Variants in ST6GALNAC3 observed in about 807,000 individuals in gnomAD.
ST6GALNAC3 encodes the protein ST6 N-acetylgalactosaminide alpha-2,6-sialyltransferase 3.
In ST6GALNAC3, 25 loss-of-function variants were observed where a neutral mutation model predicts 32.7. The observed-to-expected ratio is 0.76, with a 90% CI of 0.56 to 1.07. ST6GALNAC3 has a LOEUF of 1.07. ST6GALNAC3 is among the 50% of genes least tolerant of loss of function. ST6GALNAC3 has a pLI of 0.00. For synonymous variants in ST6GALNAC3, 129 were observed against 133.1 expected (o/e 0.97, Z 0.21); for missense variants, 355 against 382.4 (o/e 0.93, Z 0.60).
intron 2 of ST6GALNAC3, among the ~76,000 whole-genome samples, chr1:76,349,112 A>T (rs943302508): frequency 6.6e-6 from 1 of 152,176 alleles, no homozygotes; most frequent in African/African-American, 2.4e-5. Flanking sequence ...AGTTCTTCTG[A>T]TATTTACATA....
chr1:76,395,220 T>G (rs1008648482), intron 2 of ST6GALNAC3, among the ~76,000 whole-genome samples: 2 of 152,086 alleles, frequency 1.3e-5, no homozygotes, highest in East Asian at 3.9e-4. Context: ...GAATGGAGTC[T>G]TCTCATGCTA....
At chr1:76,112,574 TC>T (rs1461654740) in intron 1 of ST6GALNAC3, among the ~76,000 whole-genome samples, 4 of 150,980 alleles carry the variant, frequency 2.6e-5, no homozygotes, top group African/African-American at 9.8e-5. Context: ...GCTCCTCACT[TC>T]CCAGACGGTG....
chr1:76,354,403 C>T (rs1424010429), intron 2 of ST6GALNAC3, among the ~76,000 whole-genome samples: 3 of 152,174 alleles, frequency 2.0e-5, no homozygotes, highest in Non-Finnish European at 4.4e-5. Flanking sequence ...AGACCTGTTT[C>T]TTCATTCACA....
At chr1:76,394,415 T>C (rs1652786663) in intron 2 of ST6GALNAC3, among the ~76,000 whole-genome samples, 1 of 152,244 alleles carries the variant, frequency 6.6e-6, no homozygotes, top group Non-Finnish European at 1.5e-5. Flanking sequence ...GTCCTGGTAC[T>C]AATAGCTTGT....
At chr1:76,301,712 A>G (rs941454800) in intron 1 of ST6GALNAC3, among the ~76,000 whole-genome samples, 1 of 152,026 alleles carries the variant, frequency 6.6e-6, no homozygotes, top group Non-Finnish European at 1.5e-5. Context: ...ACTTTGACCT[A>G]TAAGAGGACA....
chr1:76,288,193 A>C (rs1038417822), intron 1 of ST6GALNAC3, among the ~76,000 whole-genome samples: 3 of 152,210 alleles, frequency 2.0e-5, no homozygotes, highest in African/African-American at 7.2e-5. Context: ...GAGAAAGGTG[A>C]AATCACTGTA....
chr1:76,305,748 G>A (rs187383219), intron 1 of ST6GALNAC3, among the ~76,000 whole-genome samples: 12 of 152,156 alleles, frequency 7.9e-5, no homozygotes, highest in Admixed American at 6.6e-4. Flanking sequence ...AATCATCATA[G>A]TCTTAACAGA....
At chr1:76,285,909 C>A (rs944549258) in intron 1 of ST6GALNAC3, among the ~76,000 whole-genome samples, 1 of 152,030 alleles carries the variant, frequency 6.6e-6, no homozygotes, top group Non-Finnish European at 1.5e-5. Flanking sequence ...CACACACCCC[C>A]GCGCCCCCTC....
chr1:76,093,319 T>G (rs1320243576), intron 1 of ST6GALNAC3, among the ~76,000 whole-genome samples: 1 of 152,238 alleles, frequency 6.6e-6, no homozygotes, highest in Admixed American at 6.5e-5. Flanking sequence ...CGTACAATTT[T>G]ATGGACTGTT....
chr1:76,573,518 G>A (rs12039983), intron 3 of ST6GALNAC3, among the ~76,000 whole-genome samples: 1 of 152,082 alleles, frequency 6.6e-6, no homozygotes, highest in African/African-American at 2.4e-5. Flanking sequence ...TCAGAACTTA[G>A]TGTGACTATG....
chr1:76,318,655 T>C (rs1360463345), intron 2 of ST6GALNAC3, among the ~76,000 whole-genome samples: 3 of 152,174 alleles, frequency 2.0e-5, no homozygotes, highest in Non-Finnish European at 4.4e-5. Flanking sequence ...TATAGCATTA[T>C]GGCAGAATTA....
At chr1:76,150,398 T>C (rs1246684560) in intron 1 of ST6GALNAC3, among the ~76,000 whole-genome samples, 1 of 152,262 alleles carries the variant, frequency 6.6e-6, no homozygotes, top group Non-Finnish European at 1.5e-5. Flanking sequence ...CACTGTTCTT[T>C]TGGAGATGTG....
intron 3 of ST6GALNAC3, among the ~76,000 whole-genome samples, chr1:76,473,991 G>A (rs11162158): frequency 0.36 from 54,577 of 152,020 alleles, 15,448 homozygotes; most frequent in African/African-American, 0.8. Context: ...AGAAAGGCCA[G>A]GTAGACAGAG....
intron 1 of ST6GALNAC3, among the ~76,000 whole-genome samples, chr1:76,226,042 T>C (rs1656048953): frequency 6.6e-6 from 1 of 152,214 alleles, no homozygotes; most frequent in Non-Finnish European, 1.5e-5. Flanking sequence ...ACTTTATTGG[T>C]GCAGATATAT....
rs17099201 is a variant in ST6GALNAC3, at chr1:76,587,744, C to T, written c.624-39708C>T. Among the ~76,000 whole-genome samples, 1,168 of 152,290 alleles carry T rather than the reference C, an allele frequency of 7.7e-3. 16 individuals carry two copies. Among genetic ancestry groups the T allele is most frequent in the African/African-American group, 0.024 (996 of 41,564 alleles). The stretch of plus-strand genomic sequence containing the variant: ...GAATTTAAAAGGAGAGCCTGTCCCT[C>T]AGGCAGTTCAAATCTGATCTAATGA... On this transcript the variant is annotated intron_variant, in intron 3 of 4. Coordinates refer to ENST00000328299, the MANE Select transcript of ST6GALNAC3 (RefSeq NM_152996.4).
chr1:76,114,917 C>CAAAAA (rs542571151), intron 1 of ST6GALNAC3, among the ~76,000 whole-genome samples: 4 of 79,002 alleles, frequency 5.1e-5, no homozygotes, highest in African/African-American at 9.2e-5. Flanking sequence ...GACCTTGTCT[C>CAAAAA]AAAAAAAAAA....
At chr1:76,266,433 C>G (rs1014549003) in intron 1 of ST6GALNAC3, among the ~76,000 whole-genome samples, 2 of 152,160 alleles carry the variant, frequency 1.3e-5, no homozygotes, top group Non-Finnish European at 2.9e-5. Context: ...CAACCTGCAG[C>G]CTTTATTTTA....
At chr1:76,332,678 C>A (rs2100964661) in intron 2 of ST6GALNAC3, among the ~76,000 whole-genome samples, 1 of 152,236 alleles carries the variant, frequency 6.6e-6, no homozygotes, top group East Asian at 1.9e-4. Flanking sequence ...GTCCTTACGA[C>A]CATTCATTCT....
intron 3 of ST6GALNAC3, among the ~76,000 whole-genome samples, chr1:76,459,739 A>G (rs1239167596): frequency 6.6e-6 from 1 of 152,210 alleles, no homozygotes; most frequent in African/African-American, 2.4e-5. Context: ...ATGGAATCAT[A>G]CAATAAGTGG....
Sources: gnomAD v4.1 joint callset for allele counts (sites outside exome capture counted in the v4.1 genomes callset) on GRCh38, gnomAD v4.1.1 for gene constraint, MANE v1.5 for transcripts, NCBI Gene and HGNC (gene_info 2026-07-23, HGNC 2026-07-21) for gene names.